The following SLC25A15 variants were observed in gnomAD, a reference collection of about 807,000 sequenced individuals.
The protein encoded by SLC25A15 is mitochondrial ornithine transporter 1.
SLC25A15 carries 24 observed loss-of-function variants against 32.3 expected under a neutral mutation model. The ratio of observed to expected loss-of-function variants is 0.74; its 90% CI spans 0.54 to 1.04. SLC25A15 has a LOEUF of 1.04. SLC25A15 is among the 50% of genes least tolerant of loss of function. The pLI, the probability that SLC25A15 is intolerant of heterozygous loss-of-function variation, is 0.00. For missense variants in SLC25A15, 317 were observed against 374.5 expected (o/e 0.85, Z 1.27); for synonymous variants, 132 against 142.1 (o/e 0.93, Z 0.51).
chr13:40,798,869 C>G, intron 2 of SLC25A15, 188 bp from the exon 3 acceptor site: 1 of 985,418 alleles, frequency 1.0e-6, no homozygotes. Context: ...CAGGGTGGGA[C>G]TTAGATGCCA....
At chr13:40,808,804 A>C (rs149279764) in intron 6 of SLC25A15, among the ~76,000 whole-genome samples, 1 of 151,846 alleles carries the variant, frequency 6.6e-6, no homozygotes, top group African/African-American at 2.4e-5. Flanking sequence ...GCGTGGTGGC[A>C]GGCACCTGTA....
At chr13:40,794,940 C>T (rs901752456) in intron 2 of SLC25A15, among the ~76,000 whole-genome samples, 9 of 152,202 alleles carry the variant, frequency 5.9e-5, no homozygotes, top group Admixed American at 4.6e-4. Flanking sequence ...ATGAGGAAGA[C>T]TGGAGAGAGC....
At chr13:40,790,605 G>C (rs542936389) in intron 1 of SLC25A15, among the ~76,000 whole-genome samples, 1 of 152,100 alleles carries the variant, frequency 6.6e-6, no homozygotes, top group South Asian at 2.1e-4. Context: ...TTATTTTTTT[G>C]AGACGGAGTT....
intron 3 of SLC25A15, among the ~76,000 whole-genome samples, chr13:40,804,332 T>C (rs1882049695): frequency 6.6e-6 from 1 of 152,136 alleles, no homozygotes; most frequent in South Asian, 2.1e-4. Flanking sequence ...ATTCAGTCCA[T>C]AGCGCTGTGT....
At chr13:40,808,637 A>G in intron 6 of SLC25A15, 41 bp downstream of exon 6, 2 of 1,571,164 alleles carry the variant, frequency 1.3e-6, no homozygotes, top group Non-Finnish European at 1.7e-6. Flanking sequence ...TATACATCTT[A>G]AAATCTGAGA....
chr13:40,796,006 G>A (rs1470344048), intron 2 of SLC25A15, among the ~76,000 whole-genome samples: 1 of 152,218 alleles, frequency 6.6e-6, no homozygotes, highest in Non-Finnish European at 1.5e-5. Flanking sequence ...CACTGGAGGG[G>A]AGGGTTAGTT....
intron 3 of SLC25A15, among the ~76,000 whole-genome samples, chr13:40,801,324 T>C (rs1881880070): frequency 6.6e-6 from 1 of 151,792 alleles, no homozygotes; most frequent in South Asian, 2.1e-4. Flanking sequence ...GTTTTTTTTT[T>C]CCATCCTGAG....
chr13:40,794,616 G>A (rs1187949480), intron 2 of SLC25A15, among the ~76,000 whole-genome samples: 6 of 152,208 alleles, frequency 3.9e-5, no homozygotes, highest in Non-Finnish European at 7.3e-5. Flanking sequence ...GAAGTGCATG[G>A]TGGTAATTTG....
intron 4 of SLC25A15, 130 bp from the exon 5 acceptor site, chr13:40,807,164 C>T (rs1566124213): frequency 3.5e-6 from 3 of 860,172 alleles, no homozygotes; most frequent in Non-Finnish European, 4.0e-6. Context: ...TAATTCCTGG[C>T]TCTTCATTTA....
Position 40,807,426 on chromosome 13 carries a change from G to A in SLC25A15, c.585G>A (p.Arg195=), listed in dbSNP as rs775952093. Residue 195 remains arginine (R), a synonymous_variant, in exon 5 of 7, where the codon CGG becomes CGA. Coordinates refer to ENST00000338625, the MANE Select transcript of SLC25A15 (RefSeq NM_014252.4). Reference sequence around the variant, plus strand: ...TCTTCGGTGGCTATGAACTGAGCCGGTCCTTTTTTGCATCAGGGAGATCAA... The same window carrying A: ...TCTTCGGTGGCTATGAACTGAGCCGATCCTTTTTTGCATCAGGGAGATCAA... ...FFFFGGYELS[R]SFFASGRSKD... is the part of the protein sequence containing the mutation. 4.3e-6 allele frequency: 7 copies of A among 1,614,128 alleles called. No individual in the cohort carries two copies. Among genetic ancestry groups the A allele is most frequent in the Non-Finnish European group, 8.5e-7 (1 of 1,180,016 alleles).
At chr13:40,800,507 G>GAGA (rs1881837191) in intron 3 of SLC25A15, among the ~76,000 whole-genome samples, 1 of 152,190 alleles carries the variant, frequency 6.6e-6, no homozygotes, top group African/African-American at 2.4e-5. Flanking sequence ...CACTCTATTA[G>GAGA]AGAAGACCTG....
At chr13:40,806,510 C>T (rs1347384363) in intron 4 of SLC25A15, among the ~76,000 whole-genome samples, 1 of 152,198 alleles carries the variant, frequency 6.6e-6, no homozygotes, top group Non-Finnish European at 1.5e-5. Context: ...AGCTGGATTA[C>T]TTTGTTACAT....
At chr13:40,795,844 G>A (rs916438141) in intron 2 of SLC25A15, among the ~76,000 whole-genome samples, 2 of 152,186 alleles carry the variant, frequency 1.3e-5, no homozygotes, top group African/African-American at 2.4e-5. Flanking sequence ...ATGCTCGTTG[G>A]ATATGTAGAA....
In SLC25A15 at chr13:40,809,909, G is replaced by T; in HGVS notation, c.*242G>T. The T allele has an allele frequency of 1.9e-6, 1 of 513,594 alleles. No individual in the cohort carries two copies. The highest frequency in any genetic ancestry group is 3.6e-5 in the East Asian group (1 of 27,812). The allele number at this position is 513,594 out of a possible 1,614,324, so 31.8% of individuals were successfully genotyped here. ...GCTCTTGCTCTTGGTAAAATATAGA[G>T]TGGTCAGTAGCCTTATGCACCTAAT... On this transcript the variant is annotated 3_prime_UTR_variant, in exon 7 of 7. Transcript: ENST00000338625.
At chr13:40,802,380 T>G (rs562272446) in intron 3 of SLC25A15, 72 of 152,346 alleles carry the variant, frequency 4.7e-4, no homozygotes, top group African/African-American at 1.7e-3. Context: ...AAGTCCTTAC[T>G]GCAAACAGTG....
chr13:40,798,840 T>C, intron 2 of SLC25A15: 1 of 985,456 alleles, frequency 1.0e-6, no homozygotes, highest in Non-Finnish European at 1.2e-6. Context: ...CTCTCTCCCC[T>C]GCCTGGCATG....
At chr13:40,795,759 A>G (rs1881650678) in intron 2 of SLC25A15, among the ~76,000 whole-genome samples, 1 of 152,130 alleles carries the variant, frequency 6.6e-6, no homozygotes, top group Non-Finnish European at 1.5e-5. Flanking sequence ...TGGAATGCAA[A>G]TGGAACCCAC....
intron 3 of SLC25A15, among the ~76,000 whole-genome samples, chr13:40,801,223 G>C (rs117115904): frequency 0.063 from 9,031 of 143,918 alleles, 339 homozygotes; most frequent in Middle Eastern, 0.088. Context: ...GCGAGACTGT[G>C]TCTCTCAAAA....
At position 40,799,093 on chromosome 13, in the gene SLC25A15, A is replaced by T; in HGVS notation, c.92A>T (p.Asp31Val). 6.2e-7 allele frequency: 1 copy of T among 1,614,092 alleles called. No homozygotes were observed. The highest frequency in any genetic ancestry group is 8.5e-7 in the Non-Finnish European group (1 of 1,180,000). ...TGTGTACTGACCGGGCAGCCCTTTG[A>T]CACAATGAAAGTGAAGATGCAGACG... ...TACVLTGQPF[D>V]TMKVKMQTFP... Residue 31 changes from aspartate (D) to valine (V), a missense_variant, in exon 3 of 7, where the codon GAC becomes GTC. Physicochemically the swap from Asp to Val is radical, Grantham distance 152 (BLOSUM62 -3). Transcript: ENST00000338625.
Sources: gnomAD v4.1 joint callset for allele counts (sites outside exome capture counted in the v4.1 genomes callset) on GRCh38, gnomAD v4.1.1 for gene constraint, MANE v1.5 for transcripts, NCBI Gene and HGNC (gene_info 2026-07-23, HGNC 2026-07-21) for gene names.